WWOX: variants seen among roughly 807,000 people sequenced by gnomAD.
WWOX encodes WW domain-containing oxidoreductase.
Under a neutral mutation model 46.2 loss-of-function variants are expected in WWOX, and 69 were observed. The observed-to-expected ratio is 1.49, with a 90% CI of 1.23 to 1.82. WWOX has a LOEUF of 1.82. WWOX is among the 40% of genes most tolerant of loss of function. WWOX has a pLI of 0.00. For synonymous variants in WWOX, 359 were observed against 202.6 expected (o/e 1.77, Z -6.56); for missense variants, 919 against 542.6 (o/e 1.69, Z -6.89).
At position 78,934,529 on chromosome 16, in the gene WWOX, AAAG is replaced by A. The variant is rs2045695541; in HGVS notation, c.1057-277076_1057-277074del. Among the ~76,000 whole-genome samples the A allele has an allele frequency of 2.0e-5, 3 of 150,084 alleles. No homozygotes were observed. The South Asian group carries it at 6.3e-4, about 31-fold the overall frequency. ...GTATCAAAAAAAAAAAAAAAAAAAAAAAGAAACACAACTTACCAAACCAAGAAA... is the reference window on the plus strand; with the variant it reads ...GTATCAAAAAAAAAAAAAAAAAAAAAAAACACAACTTACCAAACCAAGAAA... On this transcript the variant is annotated intron_variant, in intron 8 of 8. Transcript: ENST00000566780.
intron 8 of WWOX, among the ~76,000 whole-genome samples, chr16:79,168,757 T>A (rs1262296790): frequency 6.6e-6 from 1 of 152,114 alleles, no homozygotes; most frequent in African/African-American, 2.4e-5. Flanking sequence ...CCCAGGAAAG[T>A]CATTCCAGTT....
At chr16:78,546,793 A>T (rs1436989146) in intron 8 of WWOX, among the ~76,000 whole-genome samples, 1 of 152,114 alleles carries the variant, frequency 6.6e-6, no homozygotes, top group Non-Finnish European at 1.5e-5. Flanking sequence ...GTTACCAGAG[A>T]GAGCCTAGAA....
chr16:78,757,844 C>G (rs1262995205), intron 8 of WWOX, among the ~76,000 whole-genome samples: 4 of 151,904 alleles, frequency 2.6e-5, no homozygotes, highest in Non-Finnish European at 5.9e-5. Context: ...CTGACAAGTC[C>G]ACCAGTCTCA....
chr16:78,614,903 C>G (rs912721663), intron 8 of WWOX, among the ~76,000 whole-genome samples: 2 of 152,108 alleles, frequency 1.3e-5, no homozygotes, highest in East Asian at 1.9e-4. Flanking sequence ...TCTTTTAAAT[C>G]CATTCTTAGA....
intron 8 of WWOX, among the ~76,000 whole-genome samples, chr16:78,961,457 G>GTGGATGGA (rs940090519): frequency 5.9e-5 from 9 of 151,642 alleles, no homozygotes; most frequent in African/African-American, 1.9e-4. Flanking sequence ...GGATGGATGG[G>GTGGATGGA]TGGATGGATG....
At chr16:78,911,315 C>T (rs772112872) in intron 8 of WWOX, among the ~76,000 whole-genome samples, 1 of 152,110 alleles carries the variant, frequency 6.6e-6, no homozygotes. Flanking sequence ...TCAGTGCATA[C>T]TTGACCTTTA....
At chr16:79,206,491 G>A (rs409150) in intron 8 of WWOX, 60,188 of 152,124 alleles carry the variant, frequency 0.4, 14,170 homozygotes, top group Non-Finnish European at 0.55. Flanking sequence ...GGCTCATAGA[G>A]CTCTGTGAGG....
At chr16:79,068,292 A>G (rs1184223924) in intron 8 of WWOX, among the ~76,000 whole-genome samples, 1 of 152,160 alleles carries the variant, frequency 6.6e-6, no homozygotes, top group East Asian at 1.9e-4. Flanking sequence ...AGCTCATGTA[A>G]AGCCTGTAAC....
rs1415486930 is a variant in WWOX at position 78,131,991 on chromosome 16, A to C, written c.409+16837A>C. On this transcript the variant is annotated intron_variant, in intron 4 of 8. Coordinates refer to ENST00000566780, the MANE Select transcript of WWOX (RefSeq NM_016373.4). ...AATGACACTCTCATTAAGTCTTACT[A>C]CTAGTCTCTGATTTTTCTTTTTTCT... 3.3e-5 allele frequency among the ~76,000 whole-genome samples: 5 copies of C among 149,864 alleles called. No individual in the cohort carries two copies. The East Asian group carries it at 9.9e-4, about 30-fold the overall frequency.
intron 8 of WWOX, among the ~76,000 whole-genome samples, chr16:79,122,379 A>G (rs2049654130): frequency 6.6e-6 from 1 of 152,206 alleles, no homozygotes; most frequent in African/African-American, 2.4e-5. Context: ...AAGCCGCACA[A>G]AATCCTCCAA....
intron 8 of WWOX, among the ~76,000 whole-genome samples, chr16:78,530,961 G>A (rs534264796): frequency 6.6e-6 from 1 of 152,272 alleles, no homozygotes; most frequent in Non-Finnish European, 1.5e-5. Flanking sequence ...AAAAAGTTAG[G>A]CTCTGAGAAT....
chr16:78,691,377 C>A (rs547632490), intron 8 of WWOX: 2 of 683,936 alleles, frequency 2.9e-6, no homozygotes, highest in Non-Finnish European at 5.3e-6. Context: ...GAAAGGAAAT[C>A]TCCTAAGTTG....
intron 5 of WWOX, among the ~76,000 whole-genome samples, chr16:78,372,307 A>G (rs910701955): frequency 6.6e-6 from 1 of 152,148 alleles, no homozygotes; most frequent in Non-Finnish European, 1.5e-5. Flanking sequence ...TCATGCTTAG[A>G]TATGGTTCCT....
rs151175445 is a variant in WWOX at position 79,097,087 on chromosome 16, A to G, written c.1057-114521A>G. Among the ~76,000 whole-genome samples, 755 of 152,108 alleles carry G rather than the reference A, an allele frequency of 5.0e-3. 1 individual carries two copies. The highest frequency in any genetic ancestry group is 0.015 in the African/African-American group (609 of 41,480). On this transcript the variant is annotated intron_variant, in intron 8 of 8. Transcript: ENST00000566780. ...ATTTTTTTTTTTTAACTTCAACACC[A>G]GTTAACTTACTTGCTTCCATCATAC...
intron 5 of WWOX, among the ~76,000 whole-genome samples, chr16:78,241,756 C>A (rs976072524): frequency 6.6e-6 from 1 of 152,240 alleles, no homozygotes; most frequent in Non-Finnish European, 1.5e-5. Context: ...GCCACTGTTG[C>A]TATTGATGAT....
chr16:78,988,887 G>A (rs1483688579), intron 8 of WWOX, among the ~76,000 whole-genome samples: 1 of 152,120 alleles, frequency 6.6e-6, no homozygotes, highest in African/African-American at 2.4e-5. Flanking sequence ...AACGAGCTCT[G>A]GTGGGCAGTC....
At chr16:78,560,148 A>T (rs1567644703) in intron 8 of WWOX, among the ~76,000 whole-genome samples, 1 of 152,208 alleles carries the variant, frequency 6.6e-6, no homozygotes, top group Non-Finnish European at 1.5e-5. Context: ...AAAAATATGC[A>T]TAGTAGGGCT....
At chr16:78,804,453 G>A (rs888094362) in intron 8 of WWOX, among the ~76,000 whole-genome samples, 2 of 152,038 alleles carry the variant, frequency 1.3e-5, no homozygotes, top group African/African-American at 4.8e-5. Flanking sequence ...TTGAAATGAT[G>A]AGAAAAGACT....
At chr16:79,172,286 C>G (rs1048583590) in intron 8 of WWOX, among the ~76,000 whole-genome samples, 2 of 152,168 alleles carry the variant, frequency 1.3e-5, no homozygotes, top group African/African-American at 4.8e-5. Flanking sequence ...GCACTTGGCA[C>G]GTAGGAATGT....
Sources: gnomAD v4.1 joint callset for allele counts (sites outside exome capture counted in the v4.1 genomes callset) on GRCh38, gnomAD v4.1.1 for gene constraint, MANE v1.5 for transcripts, NCBI Gene and HGNC (gene_info 2026-07-23, HGNC 2026-07-21) for gene names.